Variants in MAN2A2 observed in about 807,000 individuals in gnomAD.
MAN2A2 encodes the protein mannosidase alpha class 2A member 2, also known as alpha-mannosidase 2x.
MAN2A2 carries 79 observed loss-of-function variants against 126.8 expected under a neutral mutation model. The observed-to-expected ratio is 0.62, with a 90% CI of 0.52 to 0.75. The LOEUF is 0.75. Among genes scored for constraint, MAN2A2 ranks in the 30% least tolerant of loss-of-function variants. The pLI, the probability that MAN2A2 is intolerant of heterozygous loss-of-function variation, is 0.00. For missense variants in MAN2A2, 1,392 were observed against 1,522.4 expected (o/e 0.91, Z 1.43); for synonymous variants, 671 against 618.7 (o/e 1.08, Z -1.25).
intron 12 of MAN2A2, 70 bp downstream of exon 12, chr15:90,911,031 G>A (rs1451358844): frequency 2.1e-5 from 32 of 1,496,616 alleles, no homozygotes; most frequent in Non-Finnish European, 2.8e-5. Context: ...GCTGCTGGAT[G>A]GGGGTGCCGC....
chr15:90,903,539 T>A lies in MAN2A2; in HGVS notation c.-19+107T>A, dbSNP rs1169236946. On this transcript the variant is annotated intron_variant, in intron 1 of 22. Coordinates refer to ENST00000559717, the MANE Select transcript of MAN2A2 (RefSeq NM_006122.4). ...CTCCCTTCCCAGGGGGCCTTCGGCG[T>A]CACTGCAGGCTTCCTAGGGGTCCCC... 11 of 155,884 alleles carry A rather than the reference T, an allele frequency of 7.1e-5. No homozygotes were observed. In the South Asian group the frequency reaches 2.1e-3, roughly 30 times the overall value. The allele number at this position is 155,884 out of a possible 1,614,324, so 9.7% of individuals were successfully genotyped here.
In MAN2A2 at chr15:90,911,406, A is replaced by G. The variant is rs200840162; in HGVS notation, c.1965A>G (p.Pro655=). Reference sequence around the variant, plus strand: ...ACAGGTTTGTGGTCCTATTCAACCCACTGGAACAGGAGCGATTCAGCATGG... The same window carrying G: ...ACAGGTTTGTGGTCCTATTCAACCCGCTGGAACAGGAGCGATTCAGCATGG... The part of the protein sequence containing the change: ...SSPRFVVLFN[P]LEQERFSMVS... The change falls in exon 14 of 23, where the codon CCA becomes CCG. Residue 655 remains proline, a synonymous_variant. Coordinates refer to ENST00000559717, the MANE Select transcript of MAN2A2 (RefSeq NM_006122.4). 1.4e-4 allele frequency: 221 copies of G among 1,614,006 alleles called. No individual in the cohort carries two copies. Among genetic ancestry groups the G allele is most frequent in the Non-Finnish European group, 1.8e-4 (213 of 1,180,010 alleles).
At chr15:90,915,832 C>T (rs953415035) in intron 19 of MAN2A2, among the ~76,000 whole-genome samples, 2 of 152,236 alleles carry the variant, frequency 1.3e-5, no homozygotes, top group African/African-American at 4.8e-5. Flanking sequence ...TGCCTGGGCC[C>T]CTAGGCCCGT....
At chr15:90,910,777 G>A in intron 11 of MAN2A2, 70 bp from the exon 12 acceptor site, 5 of 1,600,738 alleles carry the variant, frequency 3.1e-6, no homozygotes, top group African/African-American at 1.3e-5. Flanking sequence ...CCTAGGGCTT[G>A]TCCTGCTGAC....
At position 90,922,461 on chromosome 15, in the gene MAN2A2, A is replaced by G. The variant is rs2035583284; in HGVS notation, c.*2674A>G. The G allele has an allele frequency of 6.6e-6, 1 of 152,188 alleles. No homozygotes were observed. Among genetic ancestry groups the G allele is most frequent in the Admixed American group, 6.5e-5 (1 of 15,272 alleles). The allele number at this position is 152,188 out of a possible 1,614,324, so 9.4% of individuals were successfully genotyped here. ...TGAGCTATAATCCTACTAGTAAAGG[A>G]TGCTAAGCAGTTCCACTGTGGCAGG... On this transcript the variant is annotated 3_prime_UTR_variant, in exon 23 of 23. Coordinates refer to ENST00000559717, the MANE Select transcript of MAN2A2 (RefSeq NM_006122.4).
At chr15:90,906,103 G>A in intron 5 of MAN2A2, 87 bp downstream of exon 5, 1 of 1,565,388 alleles carries the variant, frequency 6.4e-7, no homozygotes, top group Non-Finnish European at 8.7e-7. Context: ...TGGGTGCCAA[G>A]GTGGCAGGGA....
chr15:90,911,575 G>A (rs746593818), intron 14 of MAN2A2, 25 bp downstream of exon 14: 4 of 1,586,988 alleles, frequency 2.5e-6, no homozygotes, highest in Admixed American at 1.7e-5. Flanking sequence ...TGTCAGGTGG[G>A]CCTGGCCCTC....
Position 90,912,922 on chromosome 15 carries a change from C to G in MAN2A2, c.2515C>G (p.Pro839Ala), listed in dbSNP as rs377332046. The G allele has an allele frequency of 6.8e-6, 11 of 1,614,130 alleles. No individual in the cohort carries two copies. The highest frequency in any genetic ancestry group is 1.6e-4 in the Middle Eastern group (1 of 6,062). Residue 839 changes from proline (P) to alanine (A), a missense_variant, in exon 17 of 23, where the codon CCT becomes GCT. Pro to Ala is a conservative substitution (Grantham distance 27, BLOSUM62 -1). Coordinates refer to ENST00000559717, the MANE Select transcript of MAN2A2 (RefSeq NM_006122.4). ...EPPVLRVTEG[P>A]FFSEVVAYYE... ...CCCCGTGCTGCGTGTCACTGAAGGCCCTTTCTTCTCAGAGGTGGTTGCGTA... is the reference window on the plus strand; with the variant it reads ...CCCCGTGCTGCGTGTCACTGAAGGCGCTTTCTTCTCAGAGGTGGTTGCGTA...
intron 13 of MAN2A2, 43 bp from the exon 14 acceptor site, chr15:90,911,342 C>A: frequency 6.2e-7 from 1 of 1,613,024 alleles, no homozygotes; most frequent in South Asian, 1.1e-5. Context: ...TTGCCCTGGT[C>A]GGAAGCAGCA....
chr15:90,903,966 G>A lies in MAN2A2; in HGVS notation c.-18-224G>A, dbSNP rs1268165954. 12 of 562,936 alleles carry A rather than the reference G, an allele frequency of 2.1e-5. No individual in the cohort carries two copies. In the East Asian group the frequency reaches 3.3e-4, roughly 16 times the overall value. The allele number at this position is 562,936 out of a possible 1,614,324, so 34.9% of individuals were successfully genotyped here. A position where few individuals can be genotyped will look rare whatever the true frequency, so the allele number is the denominator to read the frequency against. On this transcript the variant is annotated intron_variant, in intron 1 of 22. Transcript: ENST00000559717. ...GAGCTGGGACTCTTATCCTGGGCCC[G>A]TTTTTCATAGCACCAGCCAAAGGAG...
At chr15:90,909,562 G>A (rs530995507) in intron 9 of MAN2A2, 58 bp downstream of exon 9, 50 of 1,520,408 alleles carry the variant, frequency 3.3e-5, no homozygotes, top group East Asian at 7.0e-5. Flanking sequence ...ATCCCTTCCC[G>A]TGAGACCGTG....
At chr15:90,908,991 T>A (rs1361161258) in intron 8 of MAN2A2, among the ~76,000 whole-genome samples, 2 of 152,198 alleles carry the variant, frequency 1.3e-5, no homozygotes, top group Non-Finnish European at 1.5e-5. Context: ...GAGCTAGTAC[T>A]TGTGGAGCTG....
In MAN2A2 at chr15:90,911,533, G is replaced by T; in HGVS notation, c.2092G>T (p.Val698Phe). The T allele has an allele frequency of 6.2e-7, 1 of 1,612,516 alleles. No homozygotes were observed. The highest frequency in any genetic ancestry group is 8.5e-7 in the Non-Finnish European group (1 of 1,179,436). The change falls in exon 14 of 23, where the codon GTC (valine) becomes TTC (phenylalanine). Residue 698 changes from valine to phenylalanine, a missense_variant. Transcript: ENST00000559717. ...ACACTGGAGCTCTGCCACCGAGGCG[G>T]TCCCTGACGTCTACCAGGTGAGGTG... The part of the protein sequence containing the change: ...SAHWSSATEA[V>F]PDVYQVSVPV...
chr15:90,920,081 G>A lies in MAN2A2; in HGVS notation c.*294G>A. ...GTGAGTGGACACCCAACTGGGCACA[G>A]GCTCAGGCACCCATCCTTTTTCCAA... is the stretch of plus-strand genomic sequence containing the variant. On this transcript the variant is annotated 3_prime_UTR_variant, in exon 23 of 23. Coordinates refer to ENST00000559717, the MANE Select transcript of MAN2A2 (RefSeq NM_006122.4). 2.7e-6 allele frequency: 1 copy of A among 363,970 alleles called. No homozygotes were observed. Among genetic ancestry groups the A allele is most frequent in the Non-Finnish European group, 5.1e-6 (1 of 197,718 alleles). The allele number at this position is 363,970 out of a possible 1,614,324, so 22.5% of individuals were successfully genotyped here.
chr15:90,918,279 C>T lies in MAN2A2; in HGVS notation c.3080C>T (p.Pro1027Leu), dbSNP rs538221656. The T allele has an allele frequency of 6.2e-7, 1 of 1,614,224 alleles. No homozygotes were observed. The highest frequency in any genetic ancestry group is 1.3e-5 in the African/African-American group (1 of 75,064). Residue 1027 changes from proline to leucine, a missense_variant, in exon 21 of 23, where the codon CCT becomes CTT. By Grantham distance (98) the Pro-to-Leu change is moderately conservative. Transcript: ENST00000559717. ...MYLNAPALAL[P>L]VARMQLPGPG... ...CTGAACGCCCCGGCGCTCGCTCTGC[C>T]TGTAGCCAGGATGCAGCTCCCAGGC...
rs2035187114 is a variant in MAN2A2 at position 90,916,398 on chromosome 15, G to A, written c.2994+142G>A. ...GGGCTGAATTCCTGGGGTGGGGGGAGGCAGTCTGGCGTTTTGTGTCCCATC... is the reference window on the plus strand; with the variant it reads ...GGGCTGAATTCCTGGGGTGGGGGGAAGCAGTCTGGCGTTTTGTGTCCCATC... On this transcript the variant is annotated intron_variant, in intron 20 of 22. Transcript: ENST00000559717. 4.9e-6 allele frequency: 6 copies of A among 1,227,468 alleles called. No individual in the cohort carries two copies. The Admixed American group carries it at 8.8e-5, about 18-fold the overall frequency. 76.0% of individuals were successfully genotyped at this position (1,227,468 alleles called of 1,614,324 possible). A position where few individuals can be genotyped will look rare whatever the true frequency, so the allele number is the denominator to read the frequency against.
rs749448432 is a variant in MAN2A2 at position 90,905,327 on chromosome 15, A to T, written c.209A>T (p.His70Leu). 4.3e-6 allele frequency: 7 copies of T among 1,613,970 alleles called. No homozygotes were observed. Among genetic ancestry groups the T allele is most frequent in the Non-Finnish European group, 5.9e-6 (7 of 1,180,034 alleles). Residue 70 changes from histidine (H) to leucine (L), a missense_variant, in exon 3 of 23, where the codon CAT (histidine) becomes CTT (leucine). His to Leu is a moderately conservative substitution (Grantham distance 99, BLOSUM62 -3). Coordinates refer to ENST00000559717, the MANE Select transcript of MAN2A2 (RefSeq NM_006122.4). ...LLEENHEIIS[H>L]IKDSVLELTA... ...GAGGAGAACCATGAGATTATCAGCC[A>T]TATCAAGGACTCCGTGCTGGAGCTG...
rs1214320601 is a variant in MAN2A2, at chr15:90,916,364, G to A, written c.2994+108G>A. 23 of 1,429,120 alleles carry A rather than the reference G, an allele frequency of 1.6e-5. No homozygotes were observed. The East Asian group carries it at 4.8e-4, about 30-fold the overall frequency. The allele number at this position is 1,429,120 out of a possible 1,614,324, so 88.5% of individuals were successfully genotyped here. ...AGCGTAGTTGGAGGTGGGCAAGAGA[G>A]AGAGAGTAGGGCTGAATTCCTGGGG... is the stretch of plus-strand genomic sequence containing the variant. On this transcript the variant is annotated intron_variant, in intron 20 of 22. Coordinates refer to ENST00000559717, the MANE Select transcript of MAN2A2 (RefSeq NM_006122.4).
rs1410161085 is a variant in MAN2A2 at position 90,904,190 on chromosome 15, G to A, written c.-18G>A. 1 of 1,614,116 alleles carries A rather than the reference G, an allele frequency of 6.2e-7. No individual in the cohort carries two copies. Among genetic ancestry groups the A allele is most frequent in the Admixed American group, 1.7e-5 (1 of 60,024 alleles). On this transcript the variant is annotated splice_region_variant and 5_prime_UTR_variant, in exon 2 of 23. In the 5' UTR this introduces an upstream ATG that the reference lacks. Transcript: ENST00000559717. ...CTACAGATGGTGTCCTTCCTGCCAG[G>A]TGTGTGTGGAGGCCAGTATGAAGCT...
Sources: allele counts gnomAD v4.1 joint callset (sites outside exome capture counted in the v4.1 genomes callset), GRCh38; gene constraint gnomAD v4.1.1; transcripts MANE v1.5; gene names NCBI Gene and HGNC (gene_info 2026-07-23, HGNC 2026-07-21).